The following TRAPPC9 variants were observed in gnomAD, a reference collection of about 807,000 sequenced individuals.
The protein encoded by TRAPPC9 is trafficking protein particle complex subunit 9.
Under a neutral mutation model 124.0 loss-of-function variants are expected in TRAPPC9, and 83 were observed. The ratio of observed to expected loss-of-function variants is 0.67; its 90% CI spans 0.56 to 0.80. The LOEUF (loss-of-function observed/expected upper bound fraction) is 0.80, where lower values mean the gene tolerates loss of function less well. Ranked by LOEUF, TRAPPC9 falls within the 30% of genes least tolerant of loss-of-function variation. The pLI, the probability that TRAPPC9 is intolerant of heterozygous loss-of-function variation, is 0.00. For missense variants in TRAPPC9, 1,302 were observed against 1,508.3 expected, an observed-to-expected ratio of 0.86 and a Z score of 2.27; for synonymous variants, 638 against 617.5, an observed-to-expected ratio of 1.03 and a Z score of -0.49.
Position 140,044,906 on chromosome 8 carries a change from G to A in TRAPPC9, c.2557-20827C>T, listed in dbSNP as rs76999704. On this transcript the variant is annotated intron_variant, in intron 17 of 22. Coordinates refer to ENST00000438773, the MANE Select transcript of TRAPPC9 (RefSeq NM_001160372.4). ...AATAGCTAACTGATATAACTTACAC[G>A]CAGTAATATAGTCTACGTCAGCTGG... is the stretch of plus-strand genomic sequence containing the variant. Among the ~76,000 whole-genome samples the A allele has an allele frequency of 5.2e-3, 785 of 152,270 alleles. 1 individual carries two copies. The highest frequency in any genetic ancestry group is 9.1e-3 in the Non-Finnish European group (621 of 68,024).
intron 21 of TRAPPC9, among the ~76,000 whole-genome samples, chr8:139,848,741 T>C (rs904200367): frequency 6.6e-6 from 1 of 152,162 alleles, no homozygotes; most frequent in Non-Finnish European, 1.5e-5. Context: ...AGGAGTGGTG[T>C]GTGCCCATGT....
chr8:139,849,397 C>T (rs58662159), intron 21 of TRAPPC9, among the ~76,000 whole-genome samples: 16,452 of 152,282 alleles, frequency 0.11, 982 homozygotes, highest in Non-Finnish European at 0.12. Flanking sequence ...TGGGAAAGTC[C>T]GCTGTGTGCC....
intron 17 of TRAPPC9, among the ~76,000 whole-genome samples, chr8:140,118,409 G>A (rs542110790): frequency 1.2e-3 from 189 of 152,354 alleles, no homozygotes; most frequent in African/African-American, 4.4e-3. Flanking sequence ...CAGAGATTCC[G>A]TTAGTAGTCA....
Position 140,123,762 on chromosome 8 carries a change from G to C in TRAPPC9, c.2556+97697C>G, listed in dbSNP as rs1048471479. Among the ~76,000 whole-genome samples the C allele has an allele frequency of 6.6e-5, 10 of 152,216 alleles. No homozygotes were observed. In the South Asian group the frequency reaches 8.3e-4, roughly 13 times the overall value. ...AATCGGTGTCTGTTTGTTACTGATAGTATACTAGGGGCCAAACAGTGCCTG... is the reference window on the plus strand; with the variant it reads ...AATCGGTGTCTGTTTGTTACTGATACTATACTAGGGGCCAAACAGTGCCTG... On this transcript the variant is annotated intron_variant, in intron 17 of 22. Coordinates refer to ENST00000438773, the MANE Select transcript of TRAPPC9 (RefSeq NM_001160372.4).
intron 21 of TRAPPC9, among the ~76,000 whole-genome samples, chr8:139,856,745 A>C (rs1370100052): frequency 6.6e-6 from 1 of 152,046 alleles, no homozygotes; most frequent in African/African-American, 2.4e-5. Context: ...AAAAAAAAAA[A>C]AAAAACCCAA....
intron 17 of TRAPPC9, among the ~76,000 whole-genome samples, chr8:140,062,007 T>C (rs997267215): frequency 1.3e-5 from 2 of 152,086 alleles, no homozygotes; most frequent in Non-Finnish European, 2.9e-5. Flanking sequence ...TCACACCCCA[T>C]TCCCTCGCAG....
chr8:140,220,048 T>G (rs1171636850), intron 17 of TRAPPC9, among the ~76,000 whole-genome samples: 4 of 151,778 alleles, frequency 2.6e-5, no homozygotes, highest in Non-Finnish European at 5.9e-5. Context: ...AGGCAAGCAG[T>G]AAAAACAGGA....
chr8:140,384,330 T>C (rs2068696077), intron 7 of TRAPPC9, among the ~76,000 whole-genome samples: 2 of 151,724 alleles, frequency 1.3e-5, no homozygotes. Context: ...TAAATGTAAA[T>C]GGGCTAAATG....
intron 2 of TRAPPC9, among the ~76,000 whole-genome samples, chr8:140,450,390 T>C (rs921294164): frequency 6.6e-6 from 1 of 152,188 alleles, no homozygotes; most frequent in Non-Finnish European, 1.5e-5. Flanking sequence ...AGTTTATTTT[T>C]TCAGAAGTAA....
intron 21 of TRAPPC9, among the ~76,000 whole-genome samples, chr8:139,847,760 C>A (rs1364972383): frequency 6.7e-6 from 1 of 149,700 alleles, no homozygotes; most frequent in African/African-American, 2.5e-5. Context: ...GGCACGAGCA[C>A]CTGCCTCTCC....
At chr8:140,016,279 C>T (rs550093793) in intron 18 of TRAPPC9, among the ~76,000 whole-genome samples, 10 of 152,162 alleles carry the variant, frequency 6.6e-5, no homozygotes, top group Non-Finnish European at 1.3e-4. Context: ...TCAATATATG[C>T]AACATTTCAT....
intron 21 of TRAPPC9, among the ~76,000 whole-genome samples, chr8:139,779,629 T>A (rs1821645185): frequency 6.6e-6 from 1 of 152,162 alleles, no homozygotes; most frequent in Non-Finnish European, 1.5e-5. Context: ...ATAATGTCAC[T>A]TCATGACAGA....
chr8:140,300,947 C>A (rs562539280), intron 10 of TRAPPC9, among the ~76,000 whole-genome samples: 8 of 152,330 alleles, frequency 5.3e-5, no homozygotes, highest in African/African-American at 1.7e-4. Context: ...CCTTTGGGCA[C>A]GTGCCTTGCC....
chr8:140,052,073 G>C (rs1249137723), intron 17 of TRAPPC9, among the ~76,000 whole-genome samples: 1 of 151,944 alleles, frequency 6.6e-6, no homozygotes, highest in Non-Finnish European at 1.5e-5. Context: ...CACCAGAGGA[G>C]GAAGGCAGAG....
At chr8:140,035,519 T>C (rs948500599) in intron 17 of TRAPPC9, among the ~76,000 whole-genome samples, 3 of 152,192 alleles carry the variant, frequency 2.0e-5, no homozygotes, top group Admixed American at 6.5e-5. Context: ...CCAGTGTGTG[T>C]TAGGTGGCCG....
chr8:140,019,993 C>T (rs1044850445), intron 18 of TRAPPC9, among the ~76,000 whole-genome samples: 8 of 151,260 alleles, frequency 5.3e-5, no homozygotes, highest in South Asian at 2.1e-4. Flanking sequence ...CCATCACACC[C>T]GGCTAATTTT....
intron 17 of TRAPPC9, among the ~76,000 whole-genome samples, chr8:140,192,784 T>C (rs1421588135): frequency 2.6e-5 from 4 of 152,212 alleles, no homozygotes; most frequent in Non-Finnish European, 5.9e-5. Context: ...TTTATTTAGT[T>C]ATTTATTTTT....
intron 9 of TRAPPC9, among the ~76,000 whole-genome samples, chr8:140,342,877 C>A (rs2067234309): frequency 6.6e-6 from 1 of 152,108 alleles, no homozygotes; most frequent in South Asian, 2.1e-4. Flanking sequence ...GGGACAAAAA[C>A]TCAAATGTGA....
intron 19 of TRAPPC9, among the ~76,000 whole-genome samples, chr8:139,956,551 C>G (rs566092166): frequency 6.6e-6 from 1 of 152,228 alleles, no homozygotes; most frequent in South Asian, 2.1e-4. Context: ...TATTTCTCCA[C>G]CCTCCACCAC....
Sources: allele counts gnomAD v4.1 joint callset (sites outside exome capture counted in the v4.1 genomes callset), GRCh38; gene constraint gnomAD v4.1.1; transcripts MANE v1.5; gene names NCBI Gene and HGNC (gene_info 2026-07-23, HGNC 2026-07-21).